Variants in SAXO4 observed in about 807,000 individuals in gnomAD.
SAXO4 encodes the protein protein phosphatase 1 regulatory subunit 32.
chr11:61,490,399 C>G, the SAXO4 span: 5 of 1,090,174 alleles, frequency 4.6e-6, no homozygotes, highest in Non-Finnish European at 7.1e-6. Context: ...CTGGCTGAAC[C>G]CTGGCTATGC....
At chr11:61,490,695 C>T in the SAXO4 span, 13 of 949,604 alleles carry the variant, frequency 1.4e-5, no homozygotes, top group Admixed American at 2.3e-4. Flanking sequence ...TGGGGACCCC[C>T]CTTCCAAGTG....
the SAXO4 span, chr11:61,486,986 C>T: frequency 7.4e-5 from 120 of 1,614,000 alleles, 2 homozygotes; most frequent in South Asian, 1.3e-3. Flanking sequence ...GCGTGAGTCA[C>T]CAGCAGTTTC....
the SAXO4 span, chr11:61,484,662 T>C: frequency 1.9e-6 from 3 of 1,611,778 alleles, no homozygotes; most frequent in Admixed American, 1.7e-5. Flanking sequence ...GCCCCCTCAC[T>C]TGTAATTGGC....
chr11:61,488,423 G>C, the SAXO4 span, among the ~76,000 whole-genome samples: 2 of 149,708 alleles, frequency 1.3e-5, no homozygotes, highest in East Asian at 4.0e-4. Flanking sequence ...TCCTGCCTCA[G>C]CCTCCCGAGT....
At chr11:61,485,783 G>A in the SAXO4 span, 1 of 1,607,316 alleles carries the variant, frequency 6.2e-7, no homozygotes, top group African/African-American at 1.3e-5. Context: ...CAGCACACAG[G>A]GCATTTCTTT....
chr11:61,489,759 C>T, the SAXO4 span: 17 of 1,613,470 alleles, frequency 1.1e-5, no homozygotes, highest in Non-Finnish European at 1.4e-5. Context: ...AGCTTCCAGC[C>T]AAGGACCCCT....
the SAXO4 span, chr11:61,485,190 C>G: frequency 1.5e-6 from 1 of 664,644 alleles, no homozygotes; most frequent in Non-Finnish European, 2.6e-6. Flanking sequence ...CGATGTCCCA[C>G]CCCACAGAGA....
chr11:61,484,551 G>T, the SAXO4 span: 3 of 1,101,516 alleles, frequency 2.7e-6, no homozygotes, highest in Non-Finnish European at 3.9e-6. Context: ...AGCAGAGAGG[G>T]GACATGCAGG....
chr11:61,488,465 C>T, the SAXO4 span, among the ~76,000 whole-genome samples: 13 of 152,160 alleles, frequency 8.5e-5, no homozygotes, highest in East Asian at 5.8e-4. Context: ...CCACCACGCC[C>T]GGCTACATTT....
At chr11:61,490,367 G>T in the SAXO4 span, 3 of 798,618 alleles carry the variant, frequency 3.8e-6, no homozygotes, top group East Asian at 2.4e-5. Context: ...GGCAGGCAAA[G>T]AATGTTTGTG....
chr11:61,488,734 A>G, the SAXO4 span: 1 of 153,210 alleles, frequency 6.5e-6, no homozygotes, highest in African/African-American at 2.4e-5. Flanking sequence ...CCCAGAATCC[A>G]TTCATGGAAT....
chr11:61,483,942 A>G, the SAXO4 span, among the ~76,000 whole-genome samples: 3 of 135,350 alleles, frequency 2.2e-5, no homozygotes, highest in Admixed American at 2.1e-4. Flanking sequence ...GACTTGGACT[A>G]AAAAAAAATA....
the SAXO4 span, among the ~76,000 whole-genome samples, chr11:61,484,062 C>A: frequency 6.6e-6 from 1 of 151,896 alleles, no homozygotes; most frequent in Non-Finnish European, 1.5e-5. Context: ...CATGGTGAAA[C>A]CCCATCTCTA....
chr11:61,486,221 C>A, the SAXO4 span: 1 of 978,206 alleles, frequency 1.0e-6, no homozygotes, highest in Non-Finnish European at 1.5e-6. Context: ...TCAGTGATGC[C>A]CATTTGAGCT....
the SAXO4 span, chr11:61,486,986 CCAGCAGTTTCAGCCACTT>C: frequency 6.2e-7 from 1 of 1,614,116 alleles, no homozygotes; most frequent in Non-Finnish European, 8.5e-7. Flanking sequence ...GCGTGAGTCA[CCAGCAGTTTCAGCCACTT>C]CATCGGATGC....
At chr11:61,486,378 A>T in the SAXO4 span, 1 of 1,614,110 alleles carries the variant, frequency 6.2e-7, no homozygotes. Context: ...ACCAAGTCAG[A>T]CTTCCTCCCC....
chr11:61,483,755 T>G, the SAXO4 span, among the ~76,000 whole-genome samples: 2 of 148,770 alleles, frequency 1.3e-5, no homozygotes, highest in African/African-American at 5.0e-5. Flanking sequence ...GTCAGGAGTT[T>G]GAGACCAGTC....
At chr11:61,486,053 T>A in the SAXO4 span, 1 of 668,640 alleles carries the variant, frequency 1.5e-6, no homozygotes. Context: ...AACCACTGCT[T>A]TGGTCCAAGT....
At chr11:61,486,245 T>G in the SAXO4 span, 2 of 1,285,584 alleles carry the variant, frequency 1.6e-6, no homozygotes, top group Non-Finnish European at 2.2e-6. Context: ...TCCTCCTCTG[T>G]GCTCAGCACA....
Sources: allele counts gnomAD v4.1 joint callset (sites outside exome capture counted in the v4.1 genomes callset), GRCh38; gene constraint gnomAD v4.1.1; transcripts MANE v1.5; gene names NCBI Gene and HGNC (gene_info 2026-07-23, HGNC 2026-07-21).